Variants in DGKI observed in about 807,000 individuals in gnomAD.
The protein encoded by DGKI is DAG kinase iota.
A neutral mutation model predicts 147.5 loss-of-function variants in DGKI; 55 were observed. The observed-to-expected ratio is 0.37, with a 90% CI of 0.30 to 0.47. DGKI has a LOEUF of 0.47. Among genes scored for constraint, DGKI ranks in the 20% least tolerant of loss-of-function variants. DGKI has a pLI of 1.00. For missense variants in DGKI, 1,007 were observed against 1,323.8 expected (o/e 0.76, Z 3.71); for synonymous variants, 469 against 477.1 (o/e 0.98, Z 0.22).
At chr7:137,430,830 A>T (rs1487100919) in intron 28 of DGKI, among the ~76,000 whole-genome samples, 1 of 152,156 alleles carries the variant, frequency 6.6e-6, no homozygotes, top group African/African-American at 2.4e-5. Context: ...CCTCTAAAAT[A>T]GGGTCAGGGA....
chr7:137,814,818 T>C (rs1797693042), intron 1 of DGKI, among the ~76,000 whole-genome samples: 1 of 152,192 alleles, frequency 6.6e-6, no homozygotes, highest in African/African-American at 2.4e-5. Flanking sequence ...AGACAAACCA[T>C]GTATGTATAT....
At chr7:137,772,506 T>G (rs1191993526) in intron 1 of DGKI, among the ~76,000 whole-genome samples, 1 of 152,106 alleles carries the variant, frequency 6.6e-6, no homozygotes, top group East Asian at 1.9e-4. Context: ...CACATCTGGT[T>G]AGAAAAAAGA....
intron 23 of DGKI, among the ~76,000 whole-genome samples, chr7:137,472,410 TATATACATATACATATTATATGTAC>T (rs1815012320): frequency 7.5e-6 from 1 of 133,844 alleles, no homozygotes; most frequent in South Asian, 2.1e-4. Context: ...ATTATATGTA[TATATACATATACATATTATATGTAC>T]ATATACATAT....
intron 28 of DGKI, among the ~76,000 whole-genome samples, chr7:137,412,877 G>A (rs1236251025): frequency 6.6e-6 from 1 of 152,120 alleles, no homozygotes; most frequent in Non-Finnish European, 1.5e-5. Flanking sequence ...AAAAAGCCTA[G>A]AGGTAATAGG....
chr7:137,624,942 G>A (rs1363370274), intron 6 of DGKI, among the ~76,000 whole-genome samples: 1 of 151,922 alleles, frequency 6.6e-6, no homozygotes, highest in Non-Finnish European at 1.5e-5. Flanking sequence ...CACCATCCCA[G>A]TTCTCTTCTA....
intron 27 of DGKI, among the ~76,000 whole-genome samples, chr7:137,451,674 G>A (rs529171019): frequency 2.6e-5 from 4 of 152,266 alleles, no homozygotes; most frequent in South Asian, 2.1e-4. Context: ...TGGGTGTCAC[G>A]ACTATTTCAG....
At chr7:137,470,338 A>T (rs754676893) in intron 23 of DGKI, among the ~76,000 whole-genome samples, 2 of 152,072 alleles carry the variant, frequency 1.3e-5, no homozygotes, top group Non-Finnish European at 2.9e-5. Context: ...GCCTGACATA[A>T]CTACCATCAT....
chr7:137,815,100 A>G (rs111638468), intron 1 of DGKI, among the ~76,000 whole-genome samples: 1 of 152,054 alleles, frequency 6.6e-6, no homozygotes, highest in African/African-American at 2.4e-5. Context: ...CCTTTGGCTC[A>G]TAAAAGTAGA....
intron 1 of DGKI, among the ~76,000 whole-genome samples, chr7:137,734,753 A>T (rs967394012): frequency 6.6e-6 from 1 of 152,060 alleles, no homozygotes; most frequent in Non-Finnish European, 1.5e-5. Flanking sequence ...CTAGCCACTA[A>T]GCTTTAGGGC....
chr7:137,710,578 T>A (rs1257584242), intron 1 of DGKI, among the ~76,000 whole-genome samples: 4 of 152,056 alleles, frequency 2.6e-5, no homozygotes, highest in Non-Finnish European at 1.5e-5. Context: ...TATAGAAAAA[T>A]TAAATAAAAT....
intron 28 of DGKI, among the ~76,000 whole-genome samples, chr7:137,424,297 T>G (rs1317657050): frequency 6.6e-6 from 1 of 152,192 alleles, no homozygotes. Context: ...ATTATATTTA[T>G]TAAAGATCAA....
chr7:137,812,515 T>C (rs1356204257), intron 1 of DGKI, among the ~76,000 whole-genome samples: 1 of 152,228 alleles, frequency 6.6e-6, no homozygotes, highest in African/African-American at 2.4e-5. Context: ...AAAGAAACCC[T>C]GCCCTTTCAG....
intron 18 of DGKI, among the ~76,000 whole-genome samples, chr7:137,572,273 T>A (rs1818819465): frequency 6.6e-6 from 1 of 152,196 alleles, no homozygotes. Context: ...CTGAAGTGCG[T>A]AATAGCACCA....
intron 3 of DGKI, among the ~76,000 whole-genome samples, 170 bp from the exon 4 acceptor site, chr7:137,656,710 CAA>C (rs1422107225): frequency 1.3e-5 from 2 of 152,094 alleles, no homozygotes; most frequent in Non-Finnish European, 2.9e-5. Flanking sequence ...AATAAACTGA[CAA>C]ACTTTATCAA....
rs201577414 is a variant in DGKI, at chr7:137,581,937, A to G, written c.1564-9T>C. On this transcript the variant is annotated splice_polypyrimidine_tract_variant and intron_variant, in intron 14 of 32. Coordinates refer to ENST00000614521, the MANE Select transcript of DGKI (RefSeq NM_001321708.2). The stretch of plus-strand genomic sequence containing the variant: ...AAAACATTCAGAGGGAGCTGCAATG[A>G]TAAACAAAGACAGAGGCAAAATTTT... 3.1e-6 allele frequency: 5 copies of G among 1,612,184 alleles called. No homozygotes were observed. The highest frequency in any genetic ancestry group is 3.3e-5 in the Admixed American group (2 of 59,956).
chr7:137,543,281 T>C (rs1385409282), intron 20 of DGKI, among the ~76,000 whole-genome samples: 1 of 152,220 alleles, frequency 6.6e-6, no homozygotes, highest in East Asian at 1.9e-4. Flanking sequence ...ACTTGCACTA[T>C]ACAAGATTTA....
intron 6 of DGKI, among the ~76,000 whole-genome samples, chr7:137,626,016 G>A (rs188348690): frequency 6.6e-6 from 1 of 152,274 alleles, no homozygotes; most frequent in African/African-American, 2.4e-5. Flanking sequence ...GTACTTTGCT[G>A]GAGGAATTAG....
At chr7:137,439,401 T>C (rs1751434523) in intron 28 of DGKI, among the ~76,000 whole-genome samples, 1 of 152,122 alleles carries the variant, frequency 6.6e-6, no homozygotes, top group Admixed American at 6.5e-5. Context: ...GGCCTCACAA[T>C]CATGGCGGAA....
chr7:137,644,994 A>G (rs945124513), intron 6 of DGKI, among the ~76,000 whole-genome samples: 4 of 152,198 alleles, frequency 2.6e-5, no homozygotes, highest in Admixed American at 2.6e-4. Context: ...ATAAATAACC[A>G]CAAATAAAAA....
Sources: gnomAD v4.1 joint callset for allele counts (sites outside exome capture counted in the v4.1 genomes callset) on GRCh38, gnomAD v4.1.1 for gene constraint, MANE v1.5 for transcripts, NCBI Gene and HGNC (gene_info 2026-07-23, HGNC 2026-07-21) for gene names.